The following PITPNC1 variants were observed in gnomAD, a reference collection of about 807,000 sequenced individuals.
The protein encoded by PITPNC1 is phosphatidylinositol transfer protein cytoplasmic 1.
A neutral mutation model predicts 44.7 loss-of-function variants in PITPNC1; 18 were observed. The observed-to-expected ratio is 0.40, with a 90% confidence interval of 0.28 to 0.60. The LOEUF is 0.60. Among genes scored for constraint, PITPNC1 ranks in the 20% least tolerant of loss-of-function variants. The pLI is 0.39. For synonymous variants in PITPNC1, 141 were observed against 149.6 expected, an observed-to-expected ratio of 0.94 and a Z score of 0.42; for missense variants, 290 against 418.4, an observed-to-expected ratio of 0.69 and a Z score of 2.68.
At chr17:67,388,857 T>A (rs1319751113) in intron 1 of PITPNC1, among the ~76,000 whole-genome samples, 2 of 152,212 alleles carry the variant, frequency 1.3e-5, no homozygotes. Context: ...TGACCTCCGG[T>A]GATCCACCCG....
intron 1 of PITPNC1, among the ~76,000 whole-genome samples, chr17:67,441,839 G>A (rs2039016856): frequency 1.3e-5 from 2 of 152,102 alleles, no homozygotes; most frequent in Non-Finnish European, 2.9e-5. Context: ...GCACACGCCT[G>A]GCTTCAGTCA....
chr17:67,545,316 A>G (rs1448979163), intron 2 of PITPNC1, among the ~76,000 whole-genome samples: 1 of 150,756 alleles, frequency 6.6e-6, no homozygotes, highest in Non-Finnish European at 1.5e-5. Flanking sequence ...TGCTTCTAAA[A>G]TATGGGTCTC....
intron 5 of PITPNC1, among the ~76,000 whole-genome samples, chr17:67,605,373 T>C (rs1365444883): frequency 6.6e-6 from 1 of 152,172 alleles, no homozygotes; most frequent in East Asian, 1.9e-4. Context: ...TTTTCCATGG[T>C]CTGCAAGACC....
At chr17:67,470,251 A>G (rs2039498786) in intron 1 of PITPNC1, among the ~76,000 whole-genome samples, 1 of 152,166 alleles carries the variant, frequency 6.6e-6, no homozygotes, top group Non-Finnish European at 1.5e-5. Flanking sequence ...CATAGAATAG[A>G]ACTCACTTTA....
In PITPNC1 at chr17:67,529,722, G is replaced by A. The variant is rs999350849; in HGVS notation, c.49-3080G>A. Among the ~76,000 whole-genome samples, 56 of 152,222 alleles carry A rather than the reference G, an allele frequency of 3.7e-4. No individual in the cohort carries two copies. In the Middle Eastern group the frequency reaches 0.01, roughly 28 times the overall value. Reference sequence around the variant, plus strand: ...AGCACTTTGGGAGGCTGAGGTGGGTGGATCATTTGAGGTCAGGAGTTCAAG... The same window carrying A: ...AGCACTTTGGGAGGCTGAGGTGGGTAGATCATTTGAGGTCAGGAGTTCAAG... On this transcript the variant is annotated intron_variant, in intron 1 of 8. Coordinates refer to ENST00000581322, the MANE Select transcript of PITPNC1 (RefSeq NM_012417.4).
chr17:67,477,935 G>C (rs2039653246), intron 1 of PITPNC1, among the ~76,000 whole-genome samples: 1 of 152,132 alleles, frequency 6.6e-6, no homozygotes, highest in Non-Finnish European at 1.5e-5. Context: ...TCAGGCCTGT[G>C]GGCTGCCTCT....
rs997293058 is a variant in PITPNC1 at position 67,697,052 on chromosome 17, A to G, written c.*4164A>G. 1.3e-5 allele frequency: 2 copies of G among 152,238 alleles called. No homozygotes were observed. The highest frequency in any genetic ancestry group is 2.4e-5 in the African/African-American group (1 of 41,458). The allele number at this position is 152,238 out of a possible 1,614,324, so 9.4% of individuals were successfully genotyped here. ...ATCTTGATTGGTTAAATTAATCCAC[A>G]TACCACTGCCACTGCTGAAGGACCA... On this transcript the variant is annotated 3_prime_UTR_variant, in exon 9 of 9. Transcript: ENST00000581322.
chr17:67,689,459 A>G (rs1599004729), intron 8 of PITPNC1, among the ~76,000 whole-genome samples: 2 of 152,286 alleles, frequency 1.3e-5, no homozygotes, highest in South Asian at 4.1e-4. Flanking sequence ...AAATTGGAGC[A>G]CATTTATTTT....
chr17:67,680,853 T>A (rs2042690892), intron 8 of PITPNC1, among the ~76,000 whole-genome samples: 1 of 152,226 alleles, frequency 6.6e-6, no homozygotes, highest in Non-Finnish European at 1.5e-5. Context: ...ATTTATGATT[T>A]CTGGGGCCTC....
At chr17:67,455,275 A>G (rs1005423890) in intron 1 of PITPNC1, among the ~76,000 whole-genome samples, 1 of 152,206 alleles carries the variant, frequency 6.6e-6, no homozygotes, top group African/African-American at 2.4e-5. Flanking sequence ...AAAATTTACT[A>G]AAGCAATTTC....
At chr17:67,640,748 G>T (rs1286370977) in intron 6 of PITPNC1, among the ~76,000 whole-genome samples, 3 of 151,072 alleles carry the variant, frequency 2.0e-5, no homozygotes, top group Non-Finnish European at 2.9e-5. Context: ...CTAGCACTTT[G>T]GGAGGCCGAG....
chr17:67,522,597 A>G (rs1301349964), intron 1 of PITPNC1, among the ~76,000 whole-genome samples: 2 of 151,154 alleles, frequency 1.3e-5, no homozygotes, highest in Non-Finnish European at 2.9e-5. Flanking sequence ...CTGAAAAATG[A>G]CAAGTTCTGA....
intron 2 of PITPNC1, among the ~76,000 whole-genome samples, chr17:67,548,092 C>T (rs2144157357): frequency 6.6e-6 from 1 of 152,216 alleles, no homozygotes; most frequent in South Asian, 2.1e-4. Flanking sequence ...CCAGACATTG[C>T]CAGGTGTCTC....
chr17:67,636,465 G>T (rs1268039910), intron 6 of PITPNC1, among the ~76,000 whole-genome samples: 2 of 152,136 alleles, frequency 1.3e-5, no homozygotes, highest in South Asian at 4.1e-4. Context: ...TGCGGGAGAA[G>T]GGGCCCCATA....
intron 1 of PITPNC1, among the ~76,000 whole-genome samples, chr17:67,530,361 G>C (rs1231785014): frequency 1.3e-5 from 2 of 152,028 alleles, no homozygotes; most frequent in African/African-American, 4.8e-5. Flanking sequence ...AAAGTGCTGG[G>C]ATTGCAGGCG....
At chr17:67,501,014 A>G (rs2040021165) in intron 1 of PITPNC1, among the ~76,000 whole-genome samples, 1 of 152,110 alleles carries the variant, frequency 6.6e-6, no homozygotes, top group Non-Finnish European at 1.5e-5. Context: ...TAACTGTTAC[A>G]TTCCATTTAT....
At chr17:67,680,693 C>T (rs2625563) in intron 8 of PITPNC1, among the ~76,000 whole-genome samples, 126,739 of 152,146 alleles carry the variant, frequency 0.83, 52,843 homozygotes, top group East Asian at 0.86. Flanking sequence ...ACTTCGAGGA[C>T]TGGCTACTTT....
chr17:67,615,192 C>T (rs1186823283), intron 5 of PITPNC1, among the ~76,000 whole-genome samples: 2 of 152,244 alleles, frequency 1.3e-5, no homozygotes, highest in Non-Finnish European at 2.9e-5. Context: ...AGCCAATCCA[C>T]ATAGATGCGA....
At chr17:67,686,975 G>A in intron 8 of PITPNC1, 10 of 742,028 alleles carry the variant, frequency 1.3e-5, no homozygotes, top group Non-Finnish European at 2.4e-5. Context: ...AACCTCCTTG[G>A]CTACTGCTCA....
Sources: allele counts gnomAD v4.1 joint callset (sites outside exome capture counted in the v4.1 genomes callset), GRCh38; gene constraint gnomAD v4.1.1; transcripts MANE v1.5; gene names NCBI Gene and HGNC (gene_info 2026-07-23, HGNC 2026-07-21).